Variants in SNRK observed in about 807,000 individuals in gnomAD.
SNRK encodes the protein SNF related kinase.
SNRK carries 3 observed loss-of-function variants against 48.2 expected under a neutral mutation model. That is an observed-to-expected ratio of 0.06 (90% CI 0.03 to 0.16). The LOEUF is 0.16. SNRK is among the 10% of genes least tolerant of loss of function. The pLI, the probability that SNRK is intolerant of heterozygous loss-of-function variation, is 1.00. For synonymous variants in SNRK, 376 were observed against 366.1 expected (o/e 1.03, Z -0.31); for missense variants, 627 against 976.0 (o/e 0.64, Z 4.76).
In SNRK at chr3:43,340,351, C is replaced by G; in HGVS notation, c.796C>G (p.His266Asp). 1 of 1,614,178 alleles carries G rather than the reference C, an allele frequency of 6.2e-7. No individual in the cohort carries two copies. The highest frequency in any genetic ancestry group is 8.5e-7 in the Non-Finnish European group (1 of 1,180,032). The change falls in exon 5 of 7, where the codon CAT becomes GAT. Residue 266 changes from histidine (H) to aspartate (D), a missense_variant. Transcript: ENST00000296088. ...GGCTTCTTTAGAAGAGATTGAAAAT[C>G]ATCCTTGGCTTCAGGGAGTGGACCC... ...RRASLEEIEN[H>D]PWLQGVDPSP...
At chr3:43,344,282 G>GAA (rs2091258575) in intron 6 of SNRK, among the ~76,000 whole-genome samples, 1 of 151,892 alleles carries the variant, frequency 6.6e-6, no homozygotes, top group Non-Finnish European at 1.5e-5. Flanking sequence ...TCAAAGCATG[G>GAA]AAAGGGCTTA....
At chr3:43,343,624 T>C in intron 6 of SNRK, 146 bp downstream of exon 6, 1 of 870,818 alleles carries the variant, frequency 1.1e-6, no homozygotes, top group Non-Finnish European at 1.7e-6. Context: ...ACACACGGGC[T>C]CTTCAGGTGT....
intron 3 of SNRK, among the ~76,000 whole-genome samples, chr3:43,324,952 T>C (rs1476326314): frequency 6.6e-6 from 1 of 152,256 alleles, no homozygotes; most frequent in African/African-American, 2.4e-5. Context: ...CTGCATAATG[T>C]ATCTTCTGTT....
At chr3:43,297,309 T>C (rs930967119) in intron 1 of SNRK, among the ~76,000 whole-genome samples, 2 of 152,218 alleles carry the variant, frequency 1.3e-5, no homozygotes, top group Admixed American at 6.5e-5. Context: ...TGATTTTTAC[T>C]TTCTTCTTTG....
chr3:43,304,772 A>C (rs961057637), intron 3 of SNRK, among the ~76,000 whole-genome samples: 1 of 152,134 alleles, frequency 6.6e-6, no homozygotes, highest in Non-Finnish European at 1.5e-5. Flanking sequence ...TGCACTTAAC[A>C]TTGAAGAGTG....
At chr3:43,325,315 G>A (rs1160816729) in intron 3 of SNRK, among the ~76,000 whole-genome samples, 1 of 152,122 alleles carries the variant, frequency 6.6e-6, no homozygotes. Flanking sequence ...ATAGGTGCCC[G>A]CCACCGCGCC....
rs185444687 is a variant in SNRK, at chr3:43,293,846, G to T, written c.-168-5908G>T. On this transcript the variant is annotated intron_variant, in intron 1 of 6. Coordinates refer to ENST00000296088, the MANE Select transcript of SNRK (RefSeq NM_017719.5). ...AGGCAGGAGAATTGTTTGAACCTGGGAGGTTGAGGTTGCATTGAGCCAAGA... is the reference window on the plus strand; with the variant it reads ...AGGCAGGAGAATTGTTTGAACCTGGTAGGTTGAGGTTGCATTGAGCCAAGA... 3.9e-5 allele frequency among the ~76,000 whole-genome samples: 6 copies of T among 152,176 alleles called. No homozygotes were observed. The East Asian group carries it at 1.2e-3, about 29-fold the overall frequency.
At chr3:43,308,392 A>G (rs143284194) in intron 3 of SNRK, among the ~76,000 whole-genome samples, 11 of 152,342 alleles carry the variant, frequency 7.2e-5, no homozygotes, top group African/African-American at 1.2e-4. Flanking sequence ...GGAGAAGTCA[A>G]TGCCTGGTTT....
At chr3:43,338,642 TC>T (rs1399340659) in intron 4 of SNRK, among the ~76,000 whole-genome samples, 1 of 152,240 alleles carries the variant, frequency 6.6e-6, no homozygotes, top group Non-Finnish European at 1.5e-5. Context: ...TTTCCCTCAC[TC>T]TGTCCTCTTC....
intron 3 of SNRK, among the ~76,000 whole-genome samples, chr3:43,306,445 C>G (rs1321968924): frequency 6.6e-6 from 1 of 151,962 alleles, no homozygotes; most frequent in Non-Finnish European, 1.5e-5. Flanking sequence ...TGAGACTTAG[C>G]TGAGGAATTG....
intron 3 of SNRK, among the ~76,000 whole-genome samples, chr3:43,327,954 T>TG (rs1244159875): frequency 2.2e-4 from 4 of 18,524 alleles, no homozygotes; most frequent in Admixed American, 9.9e-4. Context: ...TTCCATGAGT[T>TG]GGGTTTTTTT....
Position 43,325,268 on chromosome 3 carries a change from C to T in SNRK, c.590-6901C>T, listed in dbSNP as rs553225771. The stretch of plus-strand genomic sequence containing the variant: ...GCAAGCTCTGCCTCCCGGGTTCACA[C>T]CATTCTCCTGCCTCAGCCTCCTGAG... On this transcript the variant is annotated intron_variant, in intron 3 of 6. Coordinates refer to ENST00000296088, the MANE Select transcript of SNRK (RefSeq NM_017719.5). 1.9e-3 allele frequency among the ~76,000 whole-genome samples: 288 copies of T among 152,324 alleles called. 1 individual carries two copies. The highest frequency in any genetic ancestry group is 6.6e-3 in the African/African-American group (274 of 41,580).
chr3:43,301,615 G>A (rs1372582794), intron 2 of SNRK, among the ~76,000 whole-genome samples: 1 of 151,758 alleles, frequency 6.6e-6, no homozygotes, highest in Non-Finnish European at 1.5e-5. Flanking sequence ...AAAATAAATA[G>A]CAGTTTTTAA....
chr3:43,310,772 A>C (rs916041871), intron 3 of SNRK, among the ~76,000 whole-genome samples: 1 of 152,150 alleles, frequency 6.6e-6, no homozygotes. Context: ...ATGCAAGACT[A>C]ATTTTCTTTG....
intron 1 of SNRK, among the ~76,000 whole-genome samples, chr3:43,291,919 G>C (rs972130870): frequency 6.6e-6 from 1 of 152,238 alleles, no homozygotes; most frequent in East Asian, 1.9e-4. Flanking sequence ...TGGACAAAGT[G>C]AGTTTGTAAC....
intron 3 of SNRK, among the ~76,000 whole-genome samples, chr3:43,316,546 G>A (rs2091014477): frequency 6.6e-6 from 1 of 151,944 alleles, no homozygotes. Flanking sequence ...AAATTCTGAT[G>A]TTCTTTAAAA....
At chr3:43,341,827 A>T (rs56659864) in intron 5 of SNRK, among the ~76,000 whole-genome samples, 3,585 of 152,248 alleles carry the variant, frequency 0.024, 148 homozygotes, top group African/African-American at 0.081. Flanking sequence ...TGTATAAAGG[A>T]CACTTTAGAG....
At chr3:43,328,862 A>T (rs1403644511) in intron 3 of SNRK, among the ~76,000 whole-genome samples, 2 of 152,080 alleles carry the variant, frequency 1.3e-5, no homozygotes, top group African/African-American at 4.8e-5. Flanking sequence ...GGGCAAGGGC[A>T]TCTCTTACTC....
chr3:43,318,536 T>G (rs2091029470), intron 3 of SNRK, among the ~76,000 whole-genome samples: 1 of 109,110 alleles, frequency 9.2e-6, no homozygotes, highest in Non-Finnish European at 2.0e-5. Context: ...GTTGAAAATA[T>G]TAAATTTTCT....
Sources: gnomAD v4.1 joint callset for allele counts (sites outside exome capture counted in the v4.1 genomes callset) on GRCh38, gnomAD v4.1.1 for gene constraint, MANE v1.5 for transcripts, NCBI Gene and HGNC (gene_info 2026-07-23, HGNC 2026-07-21) for gene names.